COL4A4: variants seen among roughly 807,000 people sequenced by gnomAD.
COL4A4 encodes collagen type IV alpha 4 chain.
Under a neutral mutation model 192.9 loss-of-function variants are expected in COL4A4, and 105 were observed. That is an observed-to-expected ratio of 0.54 (90% CI 0.46 to 0.64). COL4A4 has a LOEUF of 0.64. Ranked by LOEUF, COL4A4 falls within the 30% of genes least tolerant of loss-of-function variation. The pLI is 0.00. For synonymous variants in COL4A4, 762 were observed against 769.9 expected, an observed-to-expected ratio of 0.99 and a Z score of 0.17; for missense variants, 1,967 against 2,169.3, an observed-to-expected ratio of 0.91 and a Z score of 1.85.
the COL4A4 span, among the ~76,000 whole-genome samples, chr2:226,980,838 G>T: frequency 6.6e-6 from 1 of 152,042 alleles, no homozygotes; most frequent in Non-Finnish European, 1.5e-5. Context: ...TTCTTTTTCT[G>T]TTCATAAAAT....
At chr2:227,054,859 G>A (rs541756673) in intron 30 of COL4A4, 122 bp from the exon 31 acceptor site, 82 of 1,075,776 alleles carry the variant, frequency 7.6e-5, no homozygotes, top group Admixed American at 2.4e-4. Context: ...GCACGATCTC[G>A]GCTCATTGCA....
At chr2:227,064,543 GA>G (rs1256015728) in intron 25 of COL4A4, among the ~76,000 whole-genome samples, 1 of 152,170 alleles carries the variant, frequency 6.6e-6, no homozygotes, top group Non-Finnish European at 1.5e-5. Flanking sequence ...GAACTCCTGG[GA>G]AATTCATTGC....
At chr2:227,098,669 C>T (rs749924570) in intron 19 of COL4A4, 25 bp downstream of exon 19, 2 of 1,584,924 alleles carry the variant, frequency 1.3e-6, no homozygotes, top group South Asian at 2.2e-5. Flanking sequence ...CCTGTAAAAG[C>T]CAGGGCACAT....
the COL4A4 span, chr2:226,988,322 A>C: frequency 6.5e-7 from 1 of 1,548,312 alleles, no homozygotes; most frequent in Non-Finnish European, 8.7e-7. Flanking sequence ...CCCCACCTGA[A>C]CATCTGCAGG....
At chr2:227,033,283 C>G in intron 38 of COL4A4, 127 bp downstream of exon 38, 1 of 776,108 alleles carries the variant, frequency 1.3e-6, no homozygotes, top group Non-Finnish European at 2.2e-6. Flanking sequence ...GTGTCTCTAA[C>G]CTAAGCCAGT....
intron 44 of COL4A4, 43 bp from the exon 45 acceptor site, chr2:227,012,340 C>A: frequency 2.7e-6 from 4 of 1,465,226 alleles, no homozygotes; most frequent in Non-Finnish European, 2.9e-6. Context: ...GCAACCATGA[C>A]ACCTGCTAGC....
chr2:227,063,588 A>C (rs1273329707), intron 25 of COL4A4, among the ~76,000 whole-genome samples: 3 of 152,100 alleles, frequency 2.0e-5, no homozygotes, highest in Non-Finnish European at 2.9e-5. Context: ...AAAAAACTTA[A>C]ACCTTTTTTG....
intron 4 of COL4A4, among the ~76,000 whole-genome samples, chr2:227,134,939 C>T (rs1279480976): frequency 6.6e-6 from 1 of 152,192 alleles, no homozygotes; most frequent in Non-Finnish European, 1.5e-5. Flanking sequence ...TATTATCATC[C>T]TTGTTACTAA....
At chr2:227,050,226 T>A in intron 33 of COL4A4, 95 bp from the exon 34 acceptor site, 1 of 1,241,236 alleles carries the variant, frequency 8.1e-7, no homozygotes, top group Non-Finnish European at 1.2e-6. Flanking sequence ...GTAACTAATT[T>A]GGTTTTTGTA....
intron 33 of COL4A4, 149 bp downstream of exon 33, chr2:227,050,828 G>C: frequency 2.2e-6 from 2 of 893,308 alleles, no homozygotes; most frequent in South Asian, 1.5e-5. Context: ...CTTCTAGAAG[G>C]CTCTATTTTC....
chr2:227,060,127 C>CAAAAA lies in COL4A4; in HGVS notation c.2164+8_2164+9insTTTTT. On this transcript the variant is annotated intron_variant, in intron 27 of 47. Coordinates refer to ENST00000396625, the MANE Select transcript of COL4A4 (RefSeq NM_000092.5). ...AAAAAAAAAAAAAAAAAAAAAAAACCTCACTGACCAGGTGGACCTGGTATT... is the reference window on the plus strand; with the variant it reads ...AAAAAAAAAAAAAAAAAAAAAAAACCAAAAATCACTGACCAGGTGGACCTGGTATT... The CAAAAA allele has an allele frequency of 5.5e-6, 3 of 540,878 alleles. No homozygotes were observed. Among genetic ancestry groups the CAAAAA allele is most frequent in the Non-Finnish European group, 7.6e-6 (3 of 392,432 alleles). 33.5% of individuals were successfully genotyped at this position (540,878 alleles called of 1,614,324 possible).
chr2:227,025,920 A>G (rs1966845840), intron 42 of COL4A4, 110 bp from the exon 43 acceptor site: 6 of 972,920 alleles, frequency 6.2e-6, no homozygotes, highest in South Asian at 1.4e-5. Flanking sequence ...AAGAACATAC[A>G]TAATAATTTG....
At chr2:227,101,044 ATGATC>A (rs2060490866) in intron 17 of COL4A4, among the ~76,000 whole-genome samples, 2 of 151,974 alleles carry the variant, frequency 1.3e-5, no homozygotes, top group Non-Finnish European at 2.9e-5. Context: ...TCCTGACCTC[ATGATC>A]TGCCCGCCTC....
At chr2:227,030,916 AGATGGATGGATG>A (rs10689496) in intron 40 of COL4A4, among the ~76,000 whole-genome samples, 2,681 of 145,896 alleles carry the variant, frequency 0.018, 39 homozygotes, top group Admixed American at 0.04. Context: ...TGCTTTAATA[AGATGGATGGATG>A]GATGGATGGA....
intron 45 of COL4A4, among the ~76,000 whole-genome samples, chr2:227,011,110 A>G (rs922998038): frequency 6.6e-6 from 1 of 152,224 alleles, no homozygotes; most frequent in Non-Finnish European, 1.5e-5. Context: ...TGGGAAATCA[A>G]CAGTTCTAGA....
At chr2:227,030,846 C>T (rs1237396312) in intron 40 of COL4A4, among the ~76,000 whole-genome samples, 1 of 152,144 alleles carries the variant, frequency 6.6e-6, no homozygotes, top group Non-Finnish European at 1.5e-5. Context: ...CCTTCCTTCC[C>T]TTCAAAGTCA....
In COL4A4 at chr2:227,054,650, G is replaced by A. The variant is rs201901241; in HGVS notation, c.2804C>T (p.Pro935Leu). ...AAGGCCAGACATGCCCTTCTCTCCAGGTTCTCCCTTTGCGCCAGGACATCC... is the reference window on the plus strand; with the variant it reads ...AAGGCCAGACATGCCCTTCTCTCCAAGTTCTCCCTTTGCGCCAGGACATCC... ...AEGCPGAKGE[P>L]GEKGMSGLPG... The change falls in exon 31 of 48, where the codon CCT becomes CTT. Residue 935 changes from proline (P) to leucine (L), a missense_variant. Transcript: ENST00000396625. 49 of 1,614,230 alleles carry A rather than the reference G, an allele frequency of 3.0e-5. No individual in the cohort carries two copies. The highest frequency in any genetic ancestry group is 3.0e-4 in the South Asian group (27 of 91,088).
intron 33 of COL4A4, 43 bp downstream of exon 33, chr2:227,050,934 A>G: frequency 6.2e-7 from 1 of 1,612,038 alleles, no homozygotes; most frequent in Non-Finnish European, 8.5e-7. Context: ...TAAGAACAGA[A>G]AGGTTTTATT....
rs187530566 is a variant in COL4A4, at chr2:227,022,619, C to T, written c.4091-446G>A. On this transcript the variant is annotated intron_variant, in intron 43 of 47. Coordinates refer to ENST00000396625, the MANE Select transcript of COL4A4 (RefSeq NM_000092.5). ...GAGTCCTTACTCTACACTGCAGCCA[C>T]GTGGGTTTCCATAGTGTCAGTCACT... The T allele has an allele frequency of 1.7e-3, 874 of 510,342 alleles. 2 individuals are homozygous for T. The highest frequency in any genetic ancestry group is 3.1e-3 in the Non-Finnish European group (760 of 245,902). The allele number at this position is 510,342 out of a possible 1,614,324, so 31.6% of individuals were successfully genotyped here.
Sources: allele counts gnomAD v4.1 joint callset (sites outside exome capture counted in the v4.1 genomes callset), GRCh38; gene constraint gnomAD v4.1.1; transcripts MANE v1.5; gene names NCBI Gene and HGNC (gene_info 2026-07-23, HGNC 2026-07-21).